MSRA: variants seen among roughly 807,000 people sequenced by gnomAD.
The protein encoded by MSRA is methionine sulfoxide reductase A.
Under a neutral mutation model 31.3 loss-of-function variants are expected in MSRA, and 54 were observed. That is an observed-to-expected ratio of 1.73 (90% CI 1.39 to 2.17). The LOEUF (loss-of-function observed/expected upper bound fraction) is 2.17. Ranked by LOEUF, MSRA falls within the 30% of genes most tolerant of loss-of-function variation. MSRA has a pLI of 0.00. For missense variants in MSRA, 507 were observed against 300.9 expected (o/e 1.69, Z -5.07); for synonymous variants, 169 against 116.5 (o/e 1.45, Z -2.90).
At chr8:10,403,234 C>T (rs1462964863) in intron 5 of MSRA, among the ~76,000 whole-genome samples, 1 of 152,224 alleles carries the variant, frequency 6.6e-6, no homozygotes, top group Non-Finnish European at 1.5e-5. Context: ...CAGCTTTCAG[C>T]AGAGTGGGTG....
At position 10,392,896 on chromosome 8, in the gene MSRA, A is replaced by C. The variant is rs1376766109; in HGVS notation, c.544-35252A>C. On this transcript the variant is annotated intron_variant, in intron 5 of 5. Coordinates refer to ENST00000317173, the MANE Select transcript of MSRA (RefSeq NM_012331.5). ...CCCGTCTCTACTAAAAATGCAAAAAAAAAAAAAAAAAAAAAATTAGCCGGC... is the reference window on the plus strand; with the variant it reads ...CCCGTCTCTACTAAAAATGCAAAAACAAAAAAAAAAAAAAAATTAGCCGGC... 9.4e-4 allele frequency among the ~76,000 whole-genome samples: 71 copies of C among 75,404 alleles called. 1 individual carries two copies. Among genetic ancestry groups the C allele is most frequent in the African/African-American group, 2.1e-3 (61 of 28,948 alleles). 49.5% of individuals were successfully genotyped at this position (75,404 alleles called of 152,430 possible). A position where few individuals can be genotyped will look rare whatever the true frequency, so the allele number is the denominator to read the frequency against.
intron 1 of MSRA, among the ~76,000 whole-genome samples, chr8:10,107,456 T>C (rs1799966099): frequency 6.6e-6 from 1 of 152,172 alleles, no homozygotes; most frequent in Non-Finnish European, 1.5e-5. Context: ...ACTCAGTGCC[T>C]AGCAAAGAGG....
At chr8:10,083,304 A>G (rs1350712760) in intron 1 of MSRA, among the ~76,000 whole-genome samples, 1 of 152,268 alleles carries the variant, frequency 6.6e-6, no homozygotes. Flanking sequence ...TCTGGCTAAT[A>G]TTCTAATTGA....
chr8:10,370,928 T>C (rs1442103994), intron 5 of MSRA, among the ~76,000 whole-genome samples: 1 of 152,172 alleles, frequency 6.6e-6, no homozygotes, highest in East Asian at 1.9e-4. Context: ...GGACGTGCTG[T>C]CACACACGCT....
At chr8:10,384,672 G>T (rs1446930505) in intron 5 of MSRA, among the ~76,000 whole-genome samples, 2 of 152,142 alleles carry the variant, frequency 1.3e-5, no homozygotes, top group Non-Finnish European at 2.9e-5. Context: ...TTGCACTAGC[G>T]GAAGGACTCA....
At position 10,274,439 on chromosome 8, in the gene MSRA, A is replaced by T. The variant is rs150253691; in HGVS notation, c.332-27095A>T. ...CACTCCAAATGTCACCATTATCCTG[A>T]CACTAAGAGTGATGAAGCTGAGGCT... On this transcript the variant is annotated intron_variant, in intron 3 of 5. Coordinates refer to ENST00000317173, the MANE Select transcript of MSRA (RefSeq NM_012331.5). 4.9e-4 allele frequency among the ~76,000 whole-genome samples: 74 copies of T among 152,248 alleles called. No homozygotes were observed. In the East Asian group the frequency reaches 0.014, roughly 29 times the overall value.
In MSRA at chr8:10,054,427, G is replaced by T. The variant is rs1802167099; in HGVS notation, c.-90G>T. On this transcript the variant is annotated 5_prime_UTR_variant, in exon 1 of 6. Transcript: ENST00000317173. ...CGCGCCCCTGCCGCCCCCCGGTTCC[G>T]GCCGCGGACCCCACTCTCTGCCGTT... The T allele has an allele frequency of 1.2e-5, 7 of 604,908 alleles. No individual in the cohort carries two copies. The South Asian group carries it at 2.8e-4, about 24-fold the overall frequency. The allele number at this position is 604,908 out of a possible 1,614,324, so 37.5% of individuals were successfully genotyped here.
At chr8:10,296,588 G>C (rs1224671994) in intron 3 of MSRA, among the ~76,000 whole-genome samples, 4 of 152,312 alleles carry the variant, frequency 2.6e-5, no homozygotes, top group African/African-American at 9.6e-5. Flanking sequence ...CGGCTGATTA[G>C]AGAATAATTA....
intron 3 of MSRA, among the ~76,000 whole-genome samples, chr8:10,245,445 A>C (rs548534785): frequency 6.6e-6 from 1 of 152,208 alleles, no homozygotes; most frequent in Non-Finnish European, 1.5e-5. Flanking sequence ...TGGAACAACC[A>C]CTCTAAAACA....
chr8:10,313,161 A>G (rs1563338804), intron 4 of MSRA, among the ~76,000 whole-genome samples: 1 of 152,226 alleles, frequency 6.6e-6, no homozygotes, highest in Non-Finnish European at 1.5e-5. Context: ...GAAGTGACAT[A>G]TGCTGCTTCC....
intron 3 of MSRA, among the ~76,000 whole-genome samples, chr8:10,283,160 A>ACACTCTCTCTCTCTCT: frequency 1.4e-5 from 2 of 140,234 alleles, no homozygotes; most frequent in African/African-American, 5.4e-5. Context: ...ACACACACAC[A>ACACTCTCTCTCTCTCT]CTCTCACCCT....
intron 4 of MSRA, among the ~76,000 whole-genome samples, chr8:10,309,269 C>T (rs1801304026): frequency 6.6e-6 from 1 of 152,258 alleles, no homozygotes; most frequent in Non-Finnish European, 1.5e-5. Flanking sequence ...TCTGTTTCTG[C>T]ATCTGTAATA....
intron 3 of MSRA, among the ~76,000 whole-genome samples, chr8:10,292,123 G>T (rs139347063): frequency 6.0e-4 from 91 of 152,320 alleles, no homozygotes; most frequent in Non-Finnish European, 1.1e-3. Context: ...TCCACTTTAG[G>T]ATTTGTAGTG....
intron 2 of MSRA, among the ~76,000 whole-genome samples, chr8:10,236,215 C>G (rs1050433238): frequency 4.6e-5 from 7 of 152,110 alleles, no homozygotes; most frequent in African/African-American, 1.7e-4. Flanking sequence ...ACAAGGATTC[C>G]TAGCATTGTC....
intron 3 of MSRA, among the ~76,000 whole-genome samples, chr8:10,249,123 T>C (rs923281500): frequency 5.5e-5 from 8 of 146,012 alleles, no homozygotes; most frequent in Non-Finnish European, 1.1e-4. Flanking sequence ...CCTGGCACTT[T>C]TAAGTTGTAT....
chr8:10,067,658 G>A (rs1722898598), intron 1 of MSRA, among the ~76,000 whole-genome samples: 1 of 152,126 alleles, frequency 6.6e-6, no homozygotes, highest in Non-Finnish European at 1.5e-5. Flanking sequence ...GGTTCCTCTT[G>A]CTCCACATCC....
intron 3 of MSRA, among the ~76,000 whole-genome samples, chr8:10,257,313 G>A (rs907554443): frequency 2.0e-5 from 3 of 152,126 alleles, no homozygotes; most frequent in Non-Finnish European, 2.9e-5. Context: ...CCTTACCCCC[G>A]GAACATTTGA....
chr8:10,413,971 C>T (rs556227424), intron 5 of MSRA, among the ~76,000 whole-genome samples: 1 of 152,154 alleles, frequency 6.6e-6, no homozygotes, highest in South Asian at 2.1e-4. Flanking sequence ...TTGAGACAGA[C>T]CCAGGCAACA....
chr8:10,397,382 A>T (rs1383683638), intron 5 of MSRA, among the ~76,000 whole-genome samples: 2 of 152,194 alleles, frequency 1.3e-5, no homozygotes, highest in Non-Finnish European at 1.5e-5. Context: ...GCAGCCAGAG[A>T]ATGAACCTGT....
Sources: gnomAD v4.1 joint callset for allele counts (sites outside exome capture counted in the v4.1 genomes callset) on GRCh38, gnomAD v4.1.1 for gene constraint, MANE v1.5 for transcripts, NCBI Gene and HGNC (gene_info 2026-07-23, HGNC 2026-07-21) for gene names.